SSH2: variants seen among roughly 807,000 people sequenced by gnomAD.
The protein encoded by SSH2 is slingshot protein phosphatase 2.
Under a neutral mutation model 135.2 loss-of-function variants are expected in SSH2, and 37 were observed. That is an observed-to-expected ratio of 0.27 (90% CI 0.21 to 0.36). SSH2 has a LOEUF of 0.36. Among genes scored for constraint, SSH2 ranks in the 10% least tolerant of loss-of-function variants. The pLI is 1.00. For missense variants in SSH2, 1,408 were observed against 1,765.3 expected (o/e 0.80, Z 3.63); for synonymous variants, 628 against 646.2 (o/e 0.97, Z 0.43).
intron 4 of SSH2, among the ~76,000 whole-genome samples, chr17:29,697,203 T>C (rs1398311234): frequency 6.6e-6 from 1 of 152,170 alleles, no homozygotes; most frequent in Admixed American, 6.5e-5. Flanking sequence ...TGTACTATCA[T>C]AAATTATGAA....
chr17:29,684,168 C>T (rs1333789930), intron 6 of SSH2, among the ~76,000 whole-genome samples: 1 of 152,066 alleles, frequency 6.6e-6, no homozygotes, highest in Non-Finnish European at 1.5e-5. Context: ...AGCAGAACTG[C>T]ACAAGATATT....
At chr17:29,635,610 G>T (rs184667008) in intron 15 of SSH2, among the ~76,000 whole-genome samples, 2 of 150,894 alleles carry the variant, frequency 1.3e-5, no homozygotes, top group Non-Finnish European at 3.0e-5. Flanking sequence ...GGGTTTCACC[G>T]TGTTAGCCAG....
chr17:29,843,845 C>T (rs925113515), intron 2 of SSH2, among the ~76,000 whole-genome samples: 17 of 152,162 alleles, frequency 1.1e-4, no homozygotes, highest in African/African-American at 3.6e-4. Flanking sequence ...TAAATCTTCT[C>T]TCTCTCTCAA....
chr17:29,771,531 A>G (rs2041586447), intron 3 of SSH2, among the ~76,000 whole-genome samples: 1 of 152,230 alleles, frequency 6.6e-6, no homozygotes, highest in African/African-American at 2.4e-5. Context: ...GCCTCACTAA[A>G]TAAGGAGTAG....
At position 29,650,638 on chromosome 17, in the gene SSH2, C is replaced by T. The variant is rs940162833; in HGVS notation, c.1226+16G>A. ...GAGGAACAGAGATCACAACATTGTG[C>T]AGGACTATTACTCACTTTGCTTTAG... On this transcript the variant is annotated intron_variant, in intron 13 of 15. Coordinates refer to ENST00000540801, the MANE Select transcript of SSH2 (RefSeq NM_001282129.2). The T allele has an allele frequency of 6.2e-7, 1 of 1,606,336 alleles. No individual in the cohort carries two copies. The highest frequency in any genetic ancestry group is 8.5e-7 in the Non-Finnish European group (1 of 1,175,994).
chr17:29,640,358 G>A (rs1338272919), intron 14 of SSH2, among the ~76,000 whole-genome samples: 1 of 149,058 alleles, frequency 6.7e-6, no homozygotes, highest in African/African-American at 2.4e-5. Flanking sequence ...TTATAGGCGT[G>A]AGCCACCACG....
At chr17:29,905,116 A>G (rs2066629072) in intron 1 of SSH2, among the ~76,000 whole-genome samples, 1 of 152,210 alleles carries the variant, frequency 6.6e-6, no homozygotes, top group African/African-American at 2.4e-5. Context: ...ACTATCATTG[A>G]CATTCTTCAC....
At chr17:29,800,681 TTAA>T (rs2042235140) in intron 2 of SSH2, among the ~76,000 whole-genome samples, 1 of 151,742 alleles carries the variant, frequency 6.6e-6, no homozygotes, top group African/African-American at 2.4e-5. Flanking sequence ...TTTAATTAAT[TTAA>T]TAATTAAATG....
intron 15 of SSH2, among the ~76,000 whole-genome samples, chr17:29,634,945 C>G (rs187463271): frequency 6.6e-6 from 1 of 152,102 alleles, no homozygotes; most frequent in Non-Finnish European, 1.5e-5. Context: ...CTCTGTCATC[C>G]AAGCTGGAGT....
At chr17:29,689,115 G>A (rs989373382) in intron 5 of SSH2, among the ~76,000 whole-genome samples, 1 of 151,344 alleles carries the variant, frequency 6.6e-6, no homozygotes, top group Non-Finnish European at 1.5e-5. Context: ...TTGAGATCAC[G>A]CCACTCCACT....
chr17:29,908,954 G>A (rs981738036), intron 1 of SSH2, among the ~76,000 whole-genome samples: 1 of 151,692 alleles, frequency 6.6e-6, no homozygotes, highest in Non-Finnish European at 1.5e-5. Context: ...GCGGGTGCCT[G>A]TAGTCCCAGC....
intron 3 of SSH2, among the ~76,000 whole-genome samples, chr17:29,735,374 T>C (rs1293714735): frequency 6.6e-6 from 1 of 152,128 alleles, no homozygotes; most frequent in African/African-American, 2.4e-5. Flanking sequence ...CACAGGTTCT[T>C]CTGTTAATAC....
chr17:29,771,622 G>C (rs1306369662), intron 3 of SSH2, among the ~76,000 whole-genome samples: 1 of 152,092 alleles, frequency 6.6e-6, no homozygotes, highest in East Asian at 1.9e-4. Context: ...TTCACACACA[G>C]AATTCAGTAG....
intron 1 of SSH2, among the ~76,000 whole-genome samples, chr17:29,922,999 C>T (rs774398374): frequency 6.6e-6 from 1 of 152,208 alleles, no homozygotes; most frequent in Non-Finnish European, 1.5e-5. Flanking sequence ...CAACCTCTGC[C>T]TCCTGGGTTC....
Position 29,631,294 on chromosome 17 carries a change from T to C in SSH2, c.3900A>G (p.Leu1300=), listed in dbSNP as rs757361440. The part of the protein sequence containing the change: ...LGYLDLCKDC[L]PEREPASCES... ...CACAGGAGGCAGGCTCCCTCTCTGG[T>C]AAGCAGTCTTTACAGAGGTCCAAGT... is the stretch of plus-strand genomic sequence containing the variant. The change falls in exon 16 of 16, where the codon TTA becomes TTG. Residue 1300 remains leucine, a synonymous_variant. Coordinates refer to ENST00000540801, the MANE Select transcript of SSH2 (RefSeq NM_001282129.2). 6.2e-7 allele frequency: 1 copy of C among 1,614,142 alleles called. No individual in the cohort carries two copies. The highest frequency in any genetic ancestry group is 8.5e-7 in the Non-Finnish European group (1 of 1,180,014).
At chr17:29,852,782 C>T (rs1321143661) in intron 1 of SSH2, among the ~76,000 whole-genome samples, 1 of 151,848 alleles carries the variant, frequency 6.6e-6, no homozygotes, top group African/African-American at 2.4e-5. Flanking sequence ...TATCTCCTCA[C>T]CTCGTGATCC....
At chr17:29,661,309 T>C (rs1467059218) in intron 11 of SSH2, among the ~76,000 whole-genome samples, 2 of 152,152 alleles carry the variant, frequency 1.3e-5, no homozygotes, top group African/African-American at 4.8e-5. Context: ...CCTAGTCTCA[T>C]ACCTCACACA....
chr17:29,683,851 G>A (rs1255637566), intron 6 of SSH2, among the ~76,000 whole-genome samples: 2 of 152,086 alleles, frequency 1.3e-5, no homozygotes, highest in African/African-American at 4.8e-5. Flanking sequence ...AGGCTGAGGT[G>A]GAAGGATTCC....
chr17:29,733,657 A>G (rs2040272764), intron 3 of SSH2, among the ~76,000 whole-genome samples: 1 of 152,236 alleles, frequency 6.6e-6, no homozygotes, highest in African/African-American at 2.4e-5. Context: ...AACATAGTTC[A>G]TATGCATTTA....
Sources: gnomAD v4.1 joint callset for allele counts (sites outside exome capture counted in the v4.1 genomes callset) on GRCh38, gnomAD v4.1.1 for gene constraint, MANE v1.5 for transcripts, NCBI Gene and HGNC (gene_info 2026-07-23, HGNC 2026-07-21) for gene names.